Variants in GUCA1C observed in about 807,000 individuals in gnomAD.
The protein encoded by GUCA1C is guanylate cyclase activator 1C, also known as guanylyl cyclase-activating protein 3.
GUCA1C carries 15 observed loss-of-function variants against 16.2 expected under a neutral mutation model. The observed-to-expected ratio is 0.93, with a 90% CI of 0.62 to 1.43. The LOEUF (loss-of-function observed/expected upper bound fraction) is 1.43. Among genes scored for constraint, GUCA1C ranks in the 40% most tolerant of loss-of-function variants. GUCA1C has a pLI of 0.00. For missense variants in GUCA1C, 275 were observed against 244.8 expected, an observed-to-expected ratio of 1.12 and a Z score of -0.82; for synonymous variants, 78 against 85.4, an observed-to-expected ratio of 0.91 and a Z score of 0.48.
chr3:108,920,573 C>T lies in GUCA1C; in HGVS notation c.217G>A (p.Asp73Asn), dbSNP rs1299232848. 3 of 1,496,304 alleles carry T rather than the reference C, an allele frequency of 2.0e-6. No homozygotes were observed. The Admixed American group carries it at 5.0e-5, about 25-fold the overall frequency. The allele number at this position is 1,496,304 out of a possible 1,614,324, so 92.7% of individuals were successfully genotyped here. A position where few individuals can be genotyped will look rare whatever the true frequency, so the allele number is the denominator to read the frequency against. The change falls in exon 2 of 4, where the codon GAC becomes AAC. Residue 73 changes from aspartate to asparagine, a missense_variant. By Grantham distance (23) the Asp-to-Asn change is conservative (BLOSUM62 1). Transcript: ENST00000261047. ...TFDTNKDGFV[D>N]FLEFIAAVNL... ...ACAGCAGCAATAAACTCCAAAAAGT[C>T]AACAAATCCATCCTATGGAAAGTAA...
chr3:108,953,438 A>G, intron 1 of GUCA1C, 121 bp downstream of exon 1: 1 of 655,614 alleles, frequency 1.5e-6, no homozygotes, highest in South Asian at 1.9e-5. Context: ...TTGCCTGAAG[A>G]CCTCTCCATT....
At chr3:108,916,759 G>A (rs1946522281) in intron 2 of GUCA1C, among the ~76,000 whole-genome samples, 1 of 152,160 alleles carries the variant, frequency 6.6e-6, no homozygotes, top group Admixed American at 6.5e-5. Flanking sequence ...CAGGGCCCAG[G>A]GGGCAAATGA....
At chr3:108,949,915 C>T (rs148747988) in intron 1 of GUCA1C, among the ~76,000 whole-genome samples, 1 of 152,286 alleles carries the variant, frequency 6.6e-6, no homozygotes, top group East Asian at 1.9e-4. Flanking sequence ...GATTTTCTTT[C>T]TTAGAAATTT....
At chr3:108,922,818 C>T (rs1275265427) in intron 1 of GUCA1C, among the ~76,000 whole-genome samples, 1 of 152,122 alleles carries the variant, frequency 6.6e-6, no homozygotes, top group Non-Finnish European at 1.5e-5. Context: ...GCTATCCCTC[C>T]CCTAGCCCCC....
chr3:108,931,865 C>CTTTTTTTTTTT (rs59451506), intron 1 of GUCA1C, among the ~76,000 whole-genome samples: 1 of 110,142 alleles, frequency 9.1e-6, no homozygotes, highest in Non-Finnish European at 1.8e-5. Flanking sequence ...TTTCTTCCTT[C>CTTTTTTTTTTT]TTTTTTTTTT....
At chr3:108,936,859 G>A (rs887254751) in intron 1 of GUCA1C, among the ~76,000 whole-genome samples, 1 of 152,170 alleles carries the variant, frequency 6.6e-6, no homozygotes, top group Non-Finnish European at 1.5e-5. Flanking sequence ...AGCCCAGACA[G>A]CTCTTGGGGC....
At chr3:108,926,647 A>AT (rs1273121829) in intron 1 of GUCA1C, among the ~76,000 whole-genome samples, 5 of 151,950 alleles carry the variant, frequency 3.3e-5, no homozygotes, top group Admixed American at 2.0e-4. Context: ...CGCCCAGCTA[A>AT]TTTTTTGTAT....
Position 108,940,185 on chromosome 3 carries a change from C to T in GUCA1C, c.204+13374G>A, listed in dbSNP as rs1018298605. Among the ~76,000 whole-genome samples, 4 of 152,256 alleles carry T rather than the reference C, an allele frequency of 2.6e-5. No individual in the cohort carries two copies. The East Asian group carries it at 7.7e-4, about 29-fold the overall frequency. The stretch of plus-strand genomic sequence containing the variant: ...GAGCTTCCATGCTAGTAGCTCTGAA[C>T]CCTTAAGAGATTGCAACTTAATGAT... On this transcript the variant is annotated intron_variant, in intron 1 of 3. Coordinates refer to ENST00000261047, the MANE Select transcript of GUCA1C (RefSeq NM_005459.4).
Position 108,913,752 on chromosome 3 carries a change from G to A in GUCA1C, c.442+2375C>T, listed in dbSNP as rs115772861. Among the ~76,000 whole-genome samples the A allele has an allele frequency of 5.9e-3, 902 of 152,158 alleles. 9 individuals carry two copies. Among genetic ancestry groups the A allele is most frequent in the African/African-American group, 0.019 (798 of 41,534 alleles). On this transcript the variant is annotated intron_variant, in intron 3 of 3. Coordinates refer to ENST00000261047, the MANE Select transcript of GUCA1C (RefSeq NM_005459.4). ...AAAGTGTATATAGATGTGGATGTGCGTATATTTTTTTTACTTAAAATACAA... is the reference window on the plus strand; with the variant it reads ...AAAGTGTATATAGATGTGGATGTGCATATATTTTTTTTACTTAAAATACAA...
At chr3:108,949,760 T>G (rs985513508) in intron 1 of GUCA1C, among the ~76,000 whole-genome samples, 6 of 152,194 alleles carry the variant, frequency 3.9e-5, no homozygotes, top group African/African-American at 1.4e-4. Context: ...TATTAAGGAA[T>G]AGTTGACAAA....
At chr3:108,918,706 T>C (rs142461686) in intron 2 of GUCA1C, among the ~76,000 whole-genome samples, 164 of 152,318 alleles carry the variant, frequency 1.1e-3, no homozygotes, top group African/African-American at 2.7e-3. Flanking sequence ...AATCTCTTAA[T>C]GCCTGGGCTG....
intron 1 of GUCA1C, among the ~76,000 whole-genome samples, chr3:108,934,808 CTTTTTTTTTTTT>C (rs71629371): frequency 1.2e-5 from 1 of 86,110 alleles, no homozygotes; most frequent in Non-Finnish European, 2.0e-5. Context: ...TGTTCTTGAT[CTTTTTTTTTTTT>C]TTTTTTTTTT....
At chr3:108,939,324 C>CTTTTTTTTTTTTTTGT (rs1946761598) in intron 1 of GUCA1C, among the ~76,000 whole-genome samples, 1 of 32,912 alleles carries the variant, frequency 3.0e-5, no homozygotes. Context: ...TGCTTCAAGG[C>CTTTTTTTTTTTTTTGT]TTTTTTTTTT....
intron 2 of GUCA1C, among the ~76,000 whole-genome samples, chr3:108,917,594 A>G (rs938495860): frequency 6.6e-6 from 1 of 151,974 alleles, no homozygotes; most frequent in African/African-American, 2.4e-5. Flanking sequence ...GACGCAGGAG[A>G]GAAAGGGAAG....
chr3:108,935,033 T>A (rs1946710488), intron 1 of GUCA1C, among the ~76,000 whole-genome samples: 1 of 151,846 alleles, frequency 6.6e-6, no homozygotes, highest in South Asian at 2.1e-4. Flanking sequence ...CAGGACGGTC[T>A]CGATCTCCTG....
intron 1 of GUCA1C, among the ~76,000 whole-genome samples, chr3:108,946,022 T>A (rs536365450): frequency 6.6e-6 from 1 of 152,338 alleles, no homozygotes; most frequent in Admixed American, 6.5e-5. Flanking sequence ...TCACCAGAGT[T>A]ACCTGCCCTT....
chr3:108,931,003 G>C (rs1038021442), intron 1 of GUCA1C, among the ~76,000 whole-genome samples: 4 of 152,184 alleles, frequency 2.6e-5, no homozygotes, highest in Non-Finnish European at 5.9e-5. Flanking sequence ...TATCCAACCA[G>C]AGGTACATTT....
Position 108,953,874 on chromosome 3 carries a change from T to C in GUCA1C, c.-112A>G. The C allele has an allele frequency of 1.4e-6, 1 of 702,890 alleles. No homozygotes were observed. The highest frequency in any genetic ancestry group is 2.5e-6 in the Non-Finnish European group (1 of 393,496). 43.5% of individuals were successfully genotyped at this position (702,890 alleles called of 1,614,324 possible). On this transcript the variant is annotated 5_prime_UTR_variant, in exon 1 of 4. Transcript: ENST00000261047. ...AGGCTAACATATGCCCTCAGAAAGC[T>C]ACTCTAAACCTCTTACAGCAACAAG...
At chr3:108,913,219 T>C (rs1946473926) in intron 3 of GUCA1C, among the ~76,000 whole-genome samples, 1 of 122,686 alleles carries the variant, frequency 8.2e-6, no homozygotes, top group Admixed American at 9.0e-5. Context: ...TGCTTTTTAT[T>C]TTGAGAAATA....
Sources: allele counts gnomAD v4.1 joint callset (sites outside exome capture counted in the v4.1 genomes callset), GRCh38; gene constraint gnomAD v4.1.1; transcripts MANE v1.5; gene names NCBI Gene and HGNC (gene_info 2026-07-23, HGNC 2026-07-21).